GAB2: variants seen among roughly 807,000 people sequenced by gnomAD.
GAB2 encodes GRB2 associated binding protein 2, also known as GRB2-associated-binding protein 2.
In GAB2, 26 loss-of-function variants were observed where a neutral mutation model predicts 65.5. The ratio of observed to expected loss-of-function variants is 0.40; its 90% confidence interval spans 0.29 to 0.55. GAB2 has a LOEUF of 0.55. Among genes scored for constraint, GAB2 ranks in the 20% least tolerant of loss-of-function variants. The pLI, the probability that GAB2 is intolerant of heterozygous loss-of-function variation, is 0.53. For missense variants in GAB2, 884 were observed against 875.8 expected, an observed-to-expected ratio of 1.01 and a Z score of -0.12; for synonymous variants, 321 against 329.6, an observed-to-expected ratio of 0.97 and a Z score of 0.28.
intron 1 of GAB2, among the ~76,000 whole-genome samples, chr11:78,402,894 T>C (rs1856992747): frequency 6.6e-6 from 1 of 151,962 alleles, no homozygotes; most frequent in Admixed American, 6.5e-5. Flanking sequence ...AAAGTGACCG[T>C]ATTAGGAGGT....
At position 78,251,226 on chromosome 11, in the gene GAB2, T is replaced by C. The variant is rs1865446591; in HGVS notation, c.377-826A>G. Among the ~76,000 whole-genome samples, 4 of 152,182 alleles carry C rather than the reference T, an allele frequency of 2.6e-5. No homozygotes were observed. The South Asian group carries it at 8.3e-4, about 31-fold the overall frequency. On this transcript the variant is annotated intron_variant, in intron 2 of 9. Transcript: ENST00000361507. ...ACTCATTAATTGAGGCTCTGGACTG[T>C]GCCTTACTGCATTAATGAGAAAAGC...
intron 1 of GAB2, among the ~76,000 whole-genome samples, chr11:78,292,092 T>C (rs1866698785): frequency 6.6e-6 from 1 of 151,974 alleles, no homozygotes; most frequent in South Asian, 2.1e-4. Context: ...AAGAGCTTTT[T>C]GAAGATACAA....
chr11:78,221,843 C>A, intron 7 of GAB2, 64 bp from the exon 8 acceptor site: 1 of 1,148,650 alleles, frequency 8.7e-7, no homozygotes, highest in South Asian at 1.3e-5. Context: ...TTTCTAGCCT[C>A]CAGCTGGGCC....
intron 1 of GAB2, among the ~76,000 whole-genome samples, chr11:78,374,056 G>T (rs1322770282): frequency 6.6e-6 from 1 of 152,070 alleles, no homozygotes; most frequent in Non-Finnish European, 1.5e-5. Context: ...CCCATTTTTG[G>T]CAAGGATTTG....
intron 1 of GAB2, among the ~76,000 whole-genome samples, chr11:78,296,923 C>T (rs1396266178): frequency 6.6e-6 from 1 of 152,180 alleles, no homozygotes; most frequent in African/African-American, 2.4e-5. Flanking sequence ...CAACGGAAGC[C>T]CTCAAGCTGC....
At chr11:78,257,636 A>G (rs1047296246) in intron 2 of GAB2, among the ~76,000 whole-genome samples, 2 of 152,312 alleles carry the variant, frequency 1.3e-5, no homozygotes, top group Non-Finnish European at 2.9e-5. Context: ...CCAAGACATG[A>G]CGGATGCTTG....
chr11:78,364,597 C>T (rs926739300), intron 1 of GAB2, among the ~76,000 whole-genome samples: 1 of 152,210 alleles, frequency 6.6e-6, no homozygotes, highest in Non-Finnish European at 1.5e-5. Flanking sequence ...ATGCTTATTG[C>T]TTGCAGTGGT....
At chr11:78,303,474 T>C (rs1209667456) in intron 1 of GAB2, among the ~76,000 whole-genome samples, 1 of 152,216 alleles carries the variant, frequency 6.6e-6, no homozygotes, top group Admixed American at 6.5e-5. Context: ...AACCAATTGA[T>C]CAAATACATG....
At chr11:78,361,112 A>G (rs147421827) in intron 1 of GAB2, among the ~76,000 whole-genome samples, 1 of 152,346 alleles carries the variant, frequency 6.6e-6, no homozygotes, top group East Asian at 1.9e-4. Flanking sequence ...AGATTATGAT[A>G]GAAGTAGCAC....
intron 1 of GAB2, among the ~76,000 whole-genome samples, chr11:78,357,235 C>A (rs891025409): frequency 2.0e-5 from 3 of 151,924 alleles, no homozygotes; most frequent in Non-Finnish European, 4.4e-5. Context: ...CCATTTTTTG[C>A]CCTGAGGTTA....
intron 1 of GAB2, among the ~76,000 whole-genome samples, chr11:78,311,287 G>A (rs543660122): frequency 6.6e-6 from 1 of 152,202 alleles, no homozygotes; most frequent in South Asian, 2.1e-4. Flanking sequence ...CATTACTTAA[G>A]AGCTGCATAA....
chr11:78,253,584 G>C (rs980476170), intron 2 of GAB2, among the ~76,000 whole-genome samples: 4 of 152,070 alleles, frequency 2.6e-5, no homozygotes, highest in Non-Finnish European at 5.9e-5. Context: ...ATAAAGCCCT[G>C]CACCCAGCCT....
chr11:78,300,695 G>GTTTTTTT (rs769243672), intron 1 of GAB2, among the ~76,000 whole-genome samples: 2 of 113,252 alleles, frequency 1.8e-5, no homozygotes, highest in Non-Finnish European at 1.8e-5. Flanking sequence ...GTTTTTTTTT[G>GTTTTTTT]TTTTTTTTTT....
intron 2 of GAB2, among the ~76,000 whole-genome samples, chr11:78,276,004 C>T (rs1002556710): frequency 6.6e-6 from 1 of 150,750 alleles, no homozygotes; most frequent in African/African-American, 2.4e-5. Context: ...ATCCCAGCTA[C>T]TCAGGAGGCT....
In GAB2 at chr11:78,346,703, A is replaced by G. The variant is rs1257944981; in HGVS notation, c.76-65802T>C. ...TATATATATATATATATATATATATATATATATATATATATATAATTTTTT... is the reference window on the plus strand; with the variant it reads ...TATATATATATATATATATATATATGTATATATATATATATATAATTTTTT... On this transcript the variant is annotated intron_variant, in intron 1 of 9. Coordinates refer to ENST00000361507, the MANE Select transcript of GAB2 (RefSeq NM_080491.3). Among the ~76,000 whole-genome samples the G allele has an allele frequency of 1.8e-4, 17 of 95,032 alleles. No individual in the cohort carries two copies. The East Asian group carries it at 5.5e-3, about 31-fold the overall frequency. 62.3% of individuals were successfully genotyped at this position (95,032 alleles called of 152,430 possible). A position where few individuals can be genotyped will look rare whatever the true frequency, so the allele number is the denominator to read the frequency against.
chr11:78,280,238 G>A (rs1158968977), intron 2 of GAB2, among the ~76,000 whole-genome samples: 1 of 152,200 alleles, frequency 6.6e-6, no homozygotes, highest in Non-Finnish European at 1.5e-5. Flanking sequence ...GGAGAGAAGG[G>A]ACCAAGGTGA....
intron 2 of GAB2, among the ~76,000 whole-genome samples, chr11:78,273,289 C>T (rs572540713): frequency 5.3e-5 from 8 of 152,326 alleles, no homozygotes; most frequent in Admixed American, 3.9e-4. Flanking sequence ...TCAATGCTAG[C>T]CCATGAAATC....
intron 2 of GAB2, among the ~76,000 whole-genome samples, chr11:78,265,167 CTAAGACCCTATG>C (rs1294877439): frequency 6.7e-6 from 1 of 149,794 alleles, no homozygotes; most frequent in African/African-American, 2.4e-5. Context: ...TCATGCGATT[CTAAGACCCTATG>C]TAATAAACGG....
rs2134469164 is a variant in GAB2, at chr11:78,226,760, C to T, written c.912G>A (p.Arg304=). ...TGTCTACCAGGAGGTCCCCGAACTC[C>T]CTGCACAGGGTGTTGCTGGGCGTCT... is the stretch of plus-strand genomic sequence containing the variant. ...TFKTPSNTLC[R]EFGDLLVDNM... The change falls in exon 4 of 10, where the codon AGG becomes AGA. Residue 304 remains arginine (R), a synonymous_variant. Transcript: ENST00000361507. 1 of 1,614,090 alleles carries T rather than the reference C, an allele frequency of 6.2e-7. No homozygotes were observed. The highest frequency in any genetic ancestry group is 1.1e-5 in the South Asian group (1 of 91,078).
Sources: allele counts gnomAD v4.1 joint callset (sites outside exome capture counted in the v4.1 genomes callset), GRCh38; gene constraint gnomAD v4.1.1; transcripts MANE v1.5; gene names NCBI Gene and HGNC (gene_info 2026-07-23, HGNC 2026-07-21).